RBMS3: variants seen among roughly 807,000 people sequenced by gnomAD.
The protein encoded by RBMS3 is RNA binding motif single stranded interacting protein 3, also known as RNA-binding motif, single-stranded-interacting protein 3.
Under a neutral mutation model 66.8 loss-of-function variants are expected in RBMS3, and 27 were observed. That is an observed-to-expected ratio of 0.40 (90% confidence interval 0.30 to 0.56). RBMS3 has a LOEUF of 0.56. Among genes scored for constraint, RBMS3 ranks in the 20% least tolerant of loss-of-function variants. The pLI is 0.40. For missense variants in RBMS3, 513 were observed against 549.5 expected, an observed-to-expected ratio of 0.93 and a Z score of 0.66; for synonymous variants, 188 against 183.0, an observed-to-expected ratio of 1.03 and a Z score of -0.22.
intron 1 of RBMS3, among the ~76,000 whole-genome samples, chr3:29,286,379 C>T (rs1195160514): frequency 1.3e-5 from 2 of 151,646 alleles, no homozygotes; most frequent in Admixed American, 6.6e-5. Flanking sequence ...ATTTTTTTTC[C>T]ATGATATAGA....
chr3:29,691,947 C>CTCTCTTTTTT (rs1218393454), intron 4 of RBMS3, among the ~76,000 whole-genome samples: 6 of 53,538 alleles, frequency 1.1e-4, no homozygotes, highest in Middle Eastern at 0.012. Flanking sequence ...CTCTCTCTCT[C>CTCTCTTTTTT]TATTTTTTTT....
intron 6 of RBMS3, among the ~76,000 whole-genome samples, chr3:29,788,093 G>T (rs61154916): frequency 0.027 from 4,120 of 151,826 alleles, 207 homozygotes; most frequent in African/African-American, 0.094. Flanking sequence ...TCCAGAGGCT[G>T]CTCCTGAATC....
intron 1 of RBMS3, among the ~76,000 whole-genome samples, chr3:29,348,137 G>A (rs1465033055): frequency 6.7e-6 from 1 of 149,910 alleles, no homozygotes; most frequent in Non-Finnish European, 1.5e-5. Context: ...TGAGTTTTCC[G>A]GGATGCTGCA....
At chr3:29,847,580 G>C (rs1202209661) in intron 6 of RBMS3, among the ~76,000 whole-genome samples, 2 of 151,562 alleles carry the variant, frequency 1.3e-5, no homozygotes, top group African/African-American at 4.8e-5. Flanking sequence ...AGGCAGACTA[G>C]TCATTCTGTT....
At chr3:29,597,316 A>G (rs192266603) in intron 4 of RBMS3, among the ~76,000 whole-genome samples, 5 of 152,272 alleles carry the variant, frequency 3.3e-5, no homozygotes, top group Admixed American at 3.3e-4. Context: ...CCTAAAGATA[A>G]GTAATAAACA....
chr3:29,878,562 C>G (rs1185047444), intron 7 of RBMS3, among the ~76,000 whole-genome samples: 2 of 152,068 alleles, frequency 1.3e-5, no homozygotes, highest in African/African-American at 2.4e-5. Flanking sequence ...TTGTATTCTA[C>G]TGACCCAGCA....
At chr3:29,997,703 T>C (rs1057450258) in intron 14 of RBMS3, among the ~76,000 whole-genome samples, 17 of 151,892 alleles carry the variant, frequency 1.1e-4, no homozygotes, top group African/African-American at 3.9e-4. Context: ...AAAAAGCCTT[T>C]GACAAAATTC....
chr3:29,977,432 T>C (rs534566088), intron 12 of RBMS3, among the ~76,000 whole-genome samples: 37 of 152,258 alleles, frequency 2.4e-4, no homozygotes, highest in South Asian at 2.1e-3. Flanking sequence ...TCTTTGTTTG[T>C]TTCCACAGAA....
At chr3:29,970,908 T>C (rs1368126926) in intron 12 of RBMS3, among the ~76,000 whole-genome samples, 1 of 152,212 alleles carries the variant, frequency 6.6e-6, no homozygotes, top group African/African-American at 2.4e-5. Flanking sequence ...TAAATGCCTT[T>C]TAATAGCTTC....
chr3:29,359,307 T>C (rs559622083), intron 1 of RBMS3, among the ~76,000 whole-genome samples: 8 of 152,326 alleles, frequency 5.3e-5, no homozygotes, highest in African/African-American at 1.7e-4. Flanking sequence ...GAGACAATCA[T>C]GTGGTTTTTG....
chr3:29,443,312 G>A (rs759220885), intron 2 of RBMS3, among the ~76,000 whole-genome samples: 7 of 152,032 alleles, frequency 4.6e-5, no homozygotes, highest in Non-Finnish European at 7.4e-5. Flanking sequence ...TTATTCAAAC[G>A]TACTTATTGA....
intron 3 of RBMS3, among the ~76,000 whole-genome samples, chr3:29,511,320 G>C (rs778751640): frequency 1.3e-5 from 2 of 151,970 alleles, no homozygotes; most frequent in Non-Finnish European, 2.9e-5. Flanking sequence ...AAATAAAAAA[G>C]GTTATTTTAA....
At chr3:29,772,679 G>A (rs2056262211) in intron 6 of RBMS3, among the ~76,000 whole-genome samples, 1 of 151,862 alleles carries the variant, frequency 6.6e-6, no homozygotes, top group African/African-American at 2.4e-5. Context: ...GGAAGCATCA[G>A]GGGTAGGATT....
At chr3:29,570,443 C>A (rs1252508674) in intron 3 of RBMS3, among the ~76,000 whole-genome samples, 1 of 151,970 alleles carries the variant, frequency 6.6e-6, no homozygotes, top group Non-Finnish European at 1.5e-5. Context: ...TTTTTGTACC[C>A]TTCAACCATC....
intron 2 of RBMS3, among the ~76,000 whole-genome samples, chr3:29,463,564 G>T (rs999670163): frequency 2.7e-5 from 4 of 150,430 alleles, no homozygotes; most frequent in Non-Finnish European, 5.9e-5. Context: ...AAAATACAGG[G>T]CCACTTGTCA....
chr3:29,516,362 A>G (rs187104991), intron 3 of RBMS3, among the ~76,000 whole-genome samples: 13 of 152,354 alleles, frequency 8.5e-5, no homozygotes, highest in Admixed American at 3.9e-4. Context: ...AGAATAATCT[A>G]AACCACAGAA....
At chr3:29,352,426 T>C (rs1472661767) in intron 1 of RBMS3, among the ~76,000 whole-genome samples, 1 of 152,104 alleles carries the variant, frequency 6.6e-6, no homozygotes, top group Non-Finnish European at 1.5e-5. Flanking sequence ...GATATAAATT[T>C]ATGTTAGATT....
chr3:29,682,917 G>A (rs972599989), intron 4 of RBMS3, among the ~76,000 whole-genome samples: 8 of 152,238 alleles, frequency 5.3e-5, no homozygotes, highest in Admixed American at 3.3e-4. Flanking sequence ...TATACTCTAG[G>A]AATTACTCTT....
At chr3:29,632,717 C>T (rs2049328358) in intron 4 of RBMS3, among the ~76,000 whole-genome samples, 1 of 151,810 alleles carries the variant, frequency 6.6e-6, no homozygotes, top group South Asian at 2.1e-4. Flanking sequence ...CAAAAGGTAA[C>T]TTCTTTGAAC....
Sources: gnomAD v4.1 joint callset for allele counts (sites outside exome capture counted in the v4.1 genomes callset) on GRCh38, gnomAD v4.1.1 for gene constraint, MANE v1.5 for transcripts, NCBI Gene and HGNC (gene_info 2026-07-23, HGNC 2026-07-21) for gene names.